Variants in SNX18 observed in about 807,000 individuals in gnomAD.
SNX18 encodes sorting nexin 18.
A neutral mutation model predicts 48.7 loss-of-function variants in SNX18; 35 were observed. The observed-to-expected ratio is 0.72, with a 90% CI of 0.55 to 0.95. SNX18 has a LOEUF of 0.95. Among genes scored for constraint, SNX18 ranks in the 40% least tolerant of loss-of-function variants. The pLI, the probability that SNX18 is intolerant of heterozygous loss-of-function variation, is 0.00. For missense variants in SNX18, 824 were observed against 871.0 expected (o/e 0.95, Z 0.68); for synonymous variants, 492 against 384.7 (o/e 1.28, Z -3.26).
the SNX18 span, among the ~76,000 whole-genome samples, chr5:54,616,064 C>T: frequency 7.2e-5 from 11 of 152,164 alleles, no homozygotes; most frequent in Non-Finnish European, 1.2e-4. Context: ...ATTATTCTGC[C>T]TCTGGAATCC....
chr5:54,549,847 C>T (rs967373387), downstream of SNX18, among the ~76,000 whole-genome samples: 1 of 152,194 alleles, frequency 6.6e-6, no homozygotes, highest in Non-Finnish European at 1.5e-5. Flanking sequence ...AATTTAGTGC[C>T]TCTGAGTGGC....
chr5:54,615,662 G>A, the SNX18 span, among the ~76,000 whole-genome samples: 1 of 152,130 alleles, frequency 6.6e-6, no homozygotes, highest in Non-Finnish European at 1.5e-5. Flanking sequence ...CACCTAGTTT[G>A]GGCTTTAACC....
chr5:54,518,920 T>C lies in SNX18; in HGVS notation c.968T>C (p.Leu323Pro). ...YKHFDWLYAR[L>P]AEKFPVISVP... ...CACTTCGACTGGCTGTACGCGCGCC[T>C]GGCGGAGAAGTTCCCGGTCATCTCC... Residue 323 changes from leucine to proline, a missense_variant, in exon 1 of 2, where the codon CTG becomes CCG. Transcript: ENST00000381410. 6.2e-7 allele frequency: 1 copy of C among 1,613,840 alleles called. No homozygotes were observed. The highest frequency in any genetic ancestry group is 8.5e-7 in the Non-Finnish European group (1 of 1,180,006).
At chr5:54,621,930 G>C in the SNX18 span, among the ~76,000 whole-genome samples, 1 of 152,152 alleles carries the variant, frequency 6.6e-6, no homozygotes, top group Non-Finnish European at 1.5e-5. Flanking sequence ...TCAATTACTT[G>C]AGATTTTTAT....
In SNX18 at chr5:54,545,623, A is replaced by T. The variant is rs1220107617; in HGVS notation, c.*2191A>T. On this transcript the variant is annotated 3_prime_UTR_variant, in exon 2 of 2. Transcript: ENST00000381410. ...GAGAAATTTCATTCTTCATAACCAC[A>T]TAACATTATAATGCCACTGATTCAT... 1.3e-5 allele frequency: 2 copies of T among 152,214 alleles called. No homozygotes were observed. 9.4% of individuals were successfully genotyped at this position (152,214 alleles called of 1,614,324 possible). A position where few individuals can be genotyped will look rare whatever the true frequency, so the allele number is the denominator to read the frequency against.
At chr5:54,552,266 A>G in the SNX18 span, among the ~76,000 whole-genome samples, 1 of 152,208 alleles carries the variant, frequency 6.6e-6, no homozygotes, top group East Asian at 1.9e-4. Context: ...CCTTAAACAC[A>G]TCTAGCAGAG....
chr5:54,631,433 C>T, the SNX18 span, among the ~76,000 whole-genome samples: 1 of 152,106 alleles, frequency 6.6e-6, no homozygotes, highest in African/African-American at 2.4e-5. Flanking sequence ...TCAAATAAAA[C>T]AATTTGGTAA....
At chr5:54,570,113 C>T in the SNX18 span, among the ~76,000 whole-genome samples, 4 of 152,172 alleles carry the variant, frequency 2.6e-5, no homozygotes, top group Admixed American at 2.6e-4. Flanking sequence ...AGGGTGGGCC[C>T]TAATCTAATG....
rs1761958084 is a variant in SNX18, at chr5:54,519,277, C to T, written c.1325C>T (p.Ala442Val). The change falls in exon 1 of 2, where the codon GCG becomes GTG. Residue 442 changes from alanine to valine, a missense_variant. Transcript: ENST00000381410. ...TTCACCAAGAAGATGGACGACAGCG[C>T]GCTGCAGCTCAACCACACGGCCAAC... ...KCFTKKMDDS[A>V]LQLNHTANEF... 6.2e-7 allele frequency: 1 copy of T among 1,614,142 alleles called. No individual in the cohort carries two copies. Among genetic ancestry groups the T allele is most frequent in the East Asian group, 2.2e-5 (1 of 44,868 alleles).
chr5:54,562,151 G>T, the SNX18 span, among the ~76,000 whole-genome samples: 1 of 152,152 alleles, frequency 6.6e-6, no homozygotes, highest in Non-Finnish European at 1.5e-5. Flanking sequence ...ACCTCAGACA[G>T]CTCTTTGCGG....
the SNX18 span, among the ~76,000 whole-genome samples, chr5:54,602,139 G>A: frequency 1.3e-5 from 2 of 152,148 alleles, no homozygotes; most frequent in Non-Finnish European, 2.9e-5. Context: ...GCAGAGCCCT[G>A]GCAGTGATAA....
chr5:54,518,458 G>C lies in SNX18; in HGVS notation c.506G>C (p.Gly169Ala), dbSNP rs1209228724. The C allele has an allele frequency of 3.2e-6, 5 of 1,571,300 alleles. No homozygotes were observed. The highest frequency in any genetic ancestry group is 4.3e-6 in the Non-Finnish European group (5 of 1,159,210). Residue 169 changes from glycine to alanine, a missense_variant, in exon 1 of 2, where the codon GGC becomes GCC. By Grantham distance (60) the Gly-to-Ala change is moderately conservative. Coordinates refer to ENST00000381410, the MANE Select transcript of SNX18 (RefSeq NM_001102575.2). ...AGCTCCACGGTGGCGGACGAGCCGG[G>C]CGCTCTGGGCAGCGGAGCATACCCG... ...DDSSTVADEP[G>A]ALGSGAYPDL...
the SNX18 span, among the ~76,000 whole-genome samples, chr5:54,588,042 T>A: frequency 1.1e-4 from 16 of 152,154 alleles, no homozygotes; most frequent in African/African-American, 3.9e-4. Context: ...AAGAAGCCAA[T>A]CTTCTAGGGA....
At chr5:54,535,040 G>T (rs1762326712) in intron 1 of SNX18, among the ~76,000 whole-genome samples, 1 of 152,152 alleles carries the variant, frequency 6.6e-6, no homozygotes, top group African/African-American at 2.4e-5. Flanking sequence ...TTAAAAATTT[G>T]AGCCTTTTAA....
At chr5:54,600,260 T>A in the SNX18 span, among the ~76,000 whole-genome samples, 1 of 151,718 alleles carries the variant, frequency 6.6e-6, no homozygotes. Flanking sequence ...GAAATGCAAA[T>A]CAAAAAACCA....
intron 1 of SNX18, among the ~76,000 whole-genome samples, chr5:54,539,131 C>G (rs1762413110): frequency 6.6e-6 from 1 of 152,094 alleles, no homozygotes; most frequent in South Asian, 2.1e-4. Flanking sequence ...TTCCTGGACT[C>G]TCCCGCCTCA....
the SNX18 span, among the ~76,000 whole-genome samples, chr5:54,584,046 C>CTTTT: frequency 1.2e-4 from 13 of 110,654 alleles, no homozygotes; most frequent in Admixed American, 3.0e-4. Flanking sequence ...GTGTGTAGCT[C>CTTTT]TTTTTTTTTT....
At chr5:54,584,116 T>C in the SNX18 span, among the ~76,000 whole-genome samples, 2 of 140,340 alleles carry the variant, frequency 1.4e-5, no homozygotes, top group East Asian at 4.6e-4. Context: ...AGTGGCACAA[T>C]CTCAGCTCAT....
At chr5:54,647,880 C>T in the SNX18 span, among the ~76,000 whole-genome samples, 1 of 151,992 alleles carries the variant, frequency 6.6e-6, no homozygotes, top group Admixed American at 6.5e-5. Flanking sequence ...GGAGACTGAC[C>T]GGATTCTGGA....
Sources: gnomAD v4.1 joint callset for allele counts (sites outside exome capture counted in the v4.1 genomes callset) on GRCh38, gnomAD v4.1.1 for gene constraint, MANE v1.5 for transcripts, NCBI Gene and HGNC (gene_info 2026-07-23, HGNC 2026-07-21) for gene names.